The following MGAT5B variants were observed in gnomAD, a reference collection of about 807,000 sequenced individuals.
MGAT5B encodes the protein N-acetylglucosaminyl-transferase Vb.
In MGAT5B, 54 loss-of-function variants were observed where a neutral mutation model predicts 95.1. That is an observed-to-expected ratio of 0.57 (90% CI 0.46 to 0.71). The LOEUF (loss-of-function observed/expected upper bound fraction) is 0.71. MGAT5B is among the 30% of genes least tolerant of loss of function. MGAT5B has a pLI of 0.00. For missense variants in MGAT5B, 935 were observed against 1,088.6 expected, an observed-to-expected ratio of 0.86 and a Z score of 1.99; for synonymous variants, 464 against 451.0, an observed-to-expected ratio of 1.03 and a Z score of -0.36.
chr17:76,933,486 G>T (rs1567821586), intron 12 of MGAT5B, among the ~76,000 whole-genome samples, 189 bp downstream of exon 12: 3 of 152,160 alleles, frequency 2.0e-5, no homozygotes. Context: ...CGTCTTTCCT[G>T]GTTCCTCTGT....
intron 3 of MGAT5B, among the ~76,000 whole-genome samples, chr17:76,893,119 C>T (rs1967939253): frequency 6.6e-6 from 1 of 152,066 alleles, no homozygotes; most frequent in South Asian, 2.1e-4. Context: ...TCCCTGTGGC[C>T]CTTGAGTGGC....
At position 76,917,342 on chromosome 17, in the gene MGAT5B, G is replaced by T. The variant is rs1385328045; in HGVS notation, c.1026-7624G>T. Among the ~76,000 whole-genome samples, 1 of 151,886 alleles carries T rather than the reference G, an allele frequency of 6.6e-6. No homozygotes were observed. The highest frequency in any genetic ancestry group is 6.6e-5 in the Admixed American group (1 of 15,252). The stretch of plus-strand genomic sequence containing the variant: ...TTCACTTTCTTGTTGGGTCTCGGGG[G>T]TGCCTTCCCACAGCAGGTATCTCGT... On this transcript the variant is annotated intron_variant, in intron 8 of 17. Transcript: ENST00000569840. The surrounding 1 kb of genome is among the most constrained non-coding windows in gnomAD (Gnocchi z 6.1).
At chr17:76,892,518 A>G (rs1331643522) in intron 3 of MGAT5B, among the ~76,000 whole-genome samples, 1 of 152,230 alleles carries the variant, frequency 6.6e-6, no homozygotes, top group Non-Finnish European at 1.5e-5. Context: ...CTGGCACAGA[A>G]CATTTGGGAT....
chr17:76,924,358 G>C (rs983723730), intron 8 of MGAT5B: 2 of 152,586 alleles, frequency 1.3e-5, no homozygotes, highest in African/African-American at 2.4e-5. Flanking sequence ...TGGCCAAGCT[G>C]CGTCTTCCAG....
intron 13 of MGAT5B, among the ~76,000 whole-genome samples, chr17:76,939,433 G>A (rs1969794756): frequency 1.3e-5 from 2 of 152,126 alleles, no homozygotes; most frequent in South Asian, 4.1e-4. Context: ...GGAATTGCTT[G>A]AACCCGGGAG....
Position 76,938,660 on chromosome 17 carries a change from A to T in MGAT5B, c.1584+517A>T, listed in dbSNP as rs1056224925. Among the ~76,000 whole-genome samples the T allele has an allele frequency of 3.9e-5, 6 of 152,126 alleles. No homozygotes were observed. Among genetic ancestry groups the T allele is most frequent in the African/African-American group, 7.2e-5 (3 of 41,434 alleles). ...TATCAGCTGAGGCTGGAGAGTCTCC[A>T]GCCAGCTTCTAGGCACCCCCTCACC... On this transcript the variant is annotated intron_variant, in intron 13 of 17. Coordinates refer to ENST00000569840, the MANE Select transcript of MGAT5B (RefSeq NM_001199172.2). The surrounding 1 kb of genome is among the most constrained non-coding windows in gnomAD (Gnocchi z 4.3).
chr17:76,948,754 C>A lies in MGAT5B; in HGVS notation c.2295C>A (p.Ala765=). The change falls in exon 18 of 18, where the codon GCC becomes GCA. Residue 765 remains alanine (A), a synonymous_variant. Coordinates refer to ENST00000569840, the MANE Select transcript of MGAT5B (RefSeq NM_001199172.2). ...AGGAGCCTCTGCTCTTCAGCTGCGC[C>A]GGCTCCAACACCAAGTACCGCCGGC... is the stretch of plus-strand genomic sequence containing the variant. ...LQKEPLLFSC[A]GSNTKYRRLC... 6.2e-7 allele frequency: 1 copy of A among 1,611,390 alleles called. No homozygotes were observed. The highest frequency in any genetic ancestry group is 8.5e-7 in the Non-Finnish European group (1 of 1,179,170).
rs1968932544 is a variant in MGAT5B, at chr17:76,916,225, A to G, written c.1026-8741A>G. 6.6e-6 allele frequency among the ~76,000 whole-genome samples: 1 copy of G among 151,252 alleles called. No homozygotes were observed. Among genetic ancestry groups the G allele is most frequent in the Non-Finnish European group, 1.5e-5 (1 of 67,806 alleles). ...CATTCTTCCTCGGGATCCAGGAGAG[A>G]CCCTTCCTTGCAAGGGCCTCGCCTC... On this transcript the variant is annotated intron_variant, in intron 8 of 17. Transcript: ENST00000569840. This position sits in a 1 kb window ranked among gnomAD's most constrained non-coding sequence, Gnocchi z 5.3.
rs1967796692 is a variant in MGAT5B, at chr17:76,889,677, T to G, written c.329+7379T>G. 6.7e-6 allele frequency among the ~76,000 whole-genome samples: 1 copy of G among 149,194 alleles called. No homozygotes were observed. The highest frequency in any genetic ancestry group is 1.5e-5 in the Non-Finnish European group (1 of 67,736). On this transcript the variant is annotated intron_variant, in intron 3 of 17. Transcript: ENST00000569840. This position sits in a 1 kb window ranked among gnomAD's most constrained non-coding sequence, Gnocchi z 4.4. ...TAATGATGATAATAATCAATGACAA[T>G]AGCAAATAATAATAACAGCCACCCT...
At position 76,906,721 on chromosome 17, in the gene MGAT5B, T is replaced by C. The variant is rs1441398425; in HGVS notation, c.1025+534T>C. Reference sequence around the variant, plus strand: ...AGTGATTAGAGGCTCCCCTGAGTGTTTGAGGGTAGGATGGGGGTGAGGCTG... The same window carrying C: ...AGTGATTAGAGGCTCCCCTGAGTGTCTGAGGGTAGGATGGGGGTGAGGCTG... On this transcript the variant is annotated intron_variant, in intron 8 of 17. Transcript: ENST00000569840. The surrounding 1 kb of genome is among the most constrained non-coding windows in gnomAD (Gnocchi z 4.6). Among the ~76,000 whole-genome samples the C allele has an allele frequency of 1.3e-5, 2 of 151,858 alleles. No individual in the cohort carries two copies. Among genetic ancestry groups the C allele is most frequent in the Non-Finnish European group, 2.9e-5 (2 of 67,946 alleles).
chr17:76,885,718 G>A (rs1273954886), intron 3 of MGAT5B, among the ~76,000 whole-genome samples: 2 of 152,216 alleles, frequency 1.3e-5, no homozygotes. Flanking sequence ...GGACACTGTG[G>A]TTGCTGGTTT....
In MGAT5B at chr17:76,902,560, C is replaced by A. The variant is rs1486023674; in HGVS notation, c.335C>A (p.Pro112His). ...GDLHFPADRM[P>H]PGAGLMERIQ... ...CTCTGGCTTTTCCCACTTAGGATGC[C>A]CCCTGGGGCCGGCCTCATGGAGCGG... is the stretch of plus-strand genomic sequence containing the variant. The change falls in exon 4 of 18, where the codon CCC becomes CAC. Residue 112 changes from proline to histidine, a missense_variant. Around this residue, in one of 4 missense-constraint regions of MGAT5B, gnomAD observed 243 missense variants for 228.2 expected, o/e 1.06. Transcript: ENST00000569840. The A allele has an allele frequency of 3.2e-6, 5 of 1,586,604 alleles. No individual in the cohort carries two copies. Among genetic ancestry groups the A allele is most frequent in the Non-Finnish European group, 4.3e-6 (5 of 1,165,236 alleles).
chr17:76,896,294 TATA>T (rs1269788989), intron 3 of MGAT5B, among the ~76,000 whole-genome samples: 3 of 152,244 alleles, frequency 2.0e-5, no homozygotes, highest in Non-Finnish European at 4.4e-5. Context: ...GTAAGTCCAG[TATA>T]ATAATAGTGA....
rs2145195121 is a variant in MGAT5B, at chr17:76,906,011, C to G, written c.856-7C>G. Reference sequence around the variant, plus strand: ...CTCTGCTGACCCTCTGTGTTCCGCCCACCCAGATCCTGGTCCACATCGGCT... The same window carrying G: ...CTCTGCTGACCCTCTGTGTTCCGCCGACCCAGATCCTGGTCCACATCGGCT... On this transcript the variant is annotated splice_region_variant and splice_polypyrimidine_tract_variant and intron_variant, in intron 7 of 17. Transcript: ENST00000569840. The surrounding 1 kb of genome is among the most constrained non-coding windows in gnomAD (Gnocchi z 4.6). 6.3e-7 allele frequency: 1 copy of G among 1,596,278 alleles called. No homozygotes were observed. The highest frequency in any genetic ancestry group is 8.5e-7 in the Non-Finnish European group (1 of 1,172,834).
rs141363495 is a variant in MGAT5B at position 76,873,106 on chromosome 17, G to A, written c.181+143G>A. The A allele has an allele frequency of 1.5e-4, 135 of 884,636 alleles. 1 individual carries two copies. The African/African-American group carries it at 1.8e-3, about 12-fold the overall frequency. The allele number at this position is 884,636 out of a possible 1,614,324, so 54.8% of individuals were successfully genotyped here. ...AGTGGAGGGGGCCTGGGCTTGGGCCGTATGACCCTCCATGCACTTTGGCTC... is the reference window on the plus strand; with the variant it reads ...AGTGGAGGGGGCCTGGGCTTGGGCCATATGACCCTCCATGCACTTTGGCTC... On this transcript the variant is annotated intron_variant, in intron 2 of 17. Coordinates refer to ENST00000569840, the MANE Select transcript of MGAT5B (RefSeq NM_001199172.2).
At position 76,916,897 on chromosome 17, in the gene MGAT5B, A is replaced by G. The variant is rs1305267587; in HGVS notation, c.1026-8069A>G. On this transcript the variant is annotated intron_variant, in intron 8 of 17. Coordinates refer to ENST00000569840, the MANE Select transcript of MGAT5B (RefSeq NM_001199172.2). This position sits in a 1 kb window ranked among gnomAD's most constrained non-coding sequence, Gnocchi z 5.3. ...TCAGGGAGACTGGAAGGAGCCACCC[A>G]CGGGAAGGGTCAAACTCAGGGGTTC... Among the ~76,000 whole-genome samples the G allele has an allele frequency of 1.3e-5, 2 of 152,138 alleles. No homozygotes were observed. The highest frequency in any genetic ancestry group is 2.9e-5 in the Non-Finnish European group (2 of 68,024).
rs1968952669 is a variant in MGAT5B at position 76,916,721 on chromosome 17, G to A, written c.1026-8245G>A. 6.6e-6 allele frequency among the ~76,000 whole-genome samples: 1 copy of A among 152,188 alleles called. No individual in the cohort carries two copies. Among genetic ancestry groups the A allele is most frequent in the South Asian group, 2.1e-4 (1 of 4,828 alleles). ...TTCATCCCTGGGGAGGAGGCATCAG[G>A]GCCTCTGTGAATCTCAGGGGTCGTG... On this transcript the variant is annotated intron_variant, in intron 8 of 17. Transcript: ENST00000569840. The surrounding 1 kb of genome is among the most constrained non-coding windows in gnomAD (Gnocchi z 5.3).
intron 16 of MGAT5B, among the ~76,000 whole-genome samples, chr17:76,946,998 G>A (rs1054766725): frequency 6.6e-5 from 10 of 152,356 alleles, no homozygotes; most frequent in East Asian, 3.9e-4. Context: ...CCTGGAAGTC[G>A]TGGGTGAGGA....
At chr17:76,903,235 C>A in intron 4 of MGAT5B, 68 bp from the exon 5 acceptor site, 1 of 1,259,932 alleles carries the variant, frequency 7.9e-7, no homozygotes, top group Non-Finnish European at 1.1e-6. Flanking sequence ...CTGCCTCCCG[C>A]ACGCAGGCCT....
Sources: gnomAD v4.1 joint callset for allele counts (sites outside exome capture counted in the v4.1 genomes callset) on GRCh38, gnomAD v4.1.1 for gene constraint, gnomAD v4.1.1 regional missense constraint, Gnocchi (gnomAD v3.1) non-coding constraint, MANE v1.5 for transcripts, NCBI Gene and HGNC (gene_info 2026-07-23, HGNC 2026-07-21) for gene names.